The following MTUS2 variants were observed in gnomAD, a reference collection of about 807,000 sequenced individuals.
MTUS2 encodes microtubule associated scaffold protein 2.
MTUS2 carries 40 observed loss-of-function variants against 114.1 expected under a neutral mutation model. The observed-to-expected ratio is 0.35, with a 90% CI of 0.27 to 0.46. The LOEUF (loss-of-function observed/expected upper bound fraction) is 0.46, where lower values mean the gene tolerates loss of function less well. Ranked by LOEUF, MTUS2 falls within the 20% of genes least tolerant of loss-of-function variation. MTUS2 has a pLI of 1.00. For missense variants in MTUS2, 1,679 were observed against 1,705.4 expected, an observed-to-expected ratio of 0.98 and a Z score of 0.27; for synonymous variants, 688 against 672.0, an observed-to-expected ratio of 1.02 and a Z score of -0.37.
chr13:29,265,009 G>A (rs1338401474), intron 5 of MTUS2, among the ~76,000 whole-genome samples: 1 of 152,156 alleles, frequency 6.6e-6, no homozygotes, highest in Non-Finnish European at 1.5e-5. Context: ...CACATGACCA[G>A]GCTGCAAATT....
At chr13:29,212,072 T>G (rs959688792) in intron 5 of MTUS2, among the ~76,000 whole-genome samples, 14 of 152,270 alleles carry the variant, frequency 9.2e-5, no homozygotes, top group African/African-American at 3.4e-4. Context: ...TCATTGTGTA[T>G]GTGTTTAGTA....
intron 2 of MTUS2, among the ~76,000 whole-genome samples, chr13:28,961,303 A>G (rs904897364): frequency 6.6e-6 from 1 of 152,216 alleles, no homozygotes; most frequent in African/African-American, 2.4e-5. Flanking sequence ...GGAACAGGAT[A>G]AATCCAAAGA....
At chr13:29,172,874 T>G (rs1245521364) in intron 5 of MTUS2, among the ~76,000 whole-genome samples, 1 of 152,172 alleles carries the variant, frequency 6.6e-6, no homozygotes, top group Non-Finnish European at 1.5e-5. Context: ...AGTCCTGCAT[T>G]TTTACTTTAT....
chr13:28,893,838 G>A (rs138551802), intron 2 of MTUS2, among the ~76,000 whole-genome samples: 15 of 152,290 alleles, frequency 9.8e-5, no homozygotes, highest in African/African-American at 3.6e-4. Flanking sequence ...CTTGGTTTCT[G>A]TCATGTGCAG....
rs139043271 is a variant in MTUS2 at position 29,387,318 on chromosome 13, G to A, written c.3117+27845G>A. On this transcript the variant is annotated intron_variant, in intron 8 of 15. Transcript: ENST00000612955. ...GGCAGACGCAGAGGTAACATGATGC[G>A]GATTGCAAGTGGCGGGAGCTTCAGC... is the stretch of plus-strand genomic sequence containing the variant. 5.1e-3 allele frequency among the ~76,000 whole-genome samples: 772 copies of A among 152,286 alleles called. 4 individuals carry two copies. The highest frequency in any genetic ancestry group is 8.3e-3 in the Non-Finnish European group (566 of 68,020).
intron 5 of MTUS2, among the ~76,000 whole-genome samples, chr13:29,152,527 G>C (rs1892702267): frequency 6.6e-6 from 1 of 152,136 alleles, no homozygotes; most frequent in Non-Finnish European, 1.5e-5. Context: ...ATTGTAAGCT[G>C]TCAGACAGGG....
intron 8 of MTUS2, among the ~76,000 whole-genome samples, chr13:29,364,627 A>G (rs1870551154): frequency 6.6e-6 from 1 of 152,224 alleles, no homozygotes; most frequent in Non-Finnish European, 1.5e-5. Flanking sequence ...TGCTAGCTTT[A>G]TCTGTTTAAT....
chr13:28,949,174 A>T (rs1265028316), intron 2 of MTUS2, among the ~76,000 whole-genome samples: 1 of 152,192 alleles, frequency 6.6e-6, no homozygotes. Context: ...CTCCTTAGGG[A>T]AAATAAACAT....
intron 5 of MTUS2, among the ~76,000 whole-genome samples, chr13:29,251,588 G>A (rs1245981459): frequency 5.9e-5 from 9 of 152,082 alleles, no homozygotes; most frequent in East Asian, 1.9e-4. Context: ...TCCCTCCCCC[G>A]CAGCTTCTGG....
At chr13:29,109,147 GTTC>G (rs1314667309) in intron 5 of MTUS2, among the ~76,000 whole-genome samples, 3 of 152,054 alleles carry the variant, frequency 2.0e-5, no homozygotes, top group Admixed American at 6.5e-5. Context: ...TTAGACAACC[GTTC>G]TTCTTCTAAC....
At chr13:29,223,773 G>A (rs748481040) in intron 5 of MTUS2, among the ~76,000 whole-genome samples, 4 of 152,240 alleles carry the variant, frequency 2.6e-5, no homozygotes, top group Non-Finnish European at 5.9e-5. Context: ...AGGATCTGTG[G>A]CCCTCCTGGG....
intron 5 of MTUS2, among the ~76,000 whole-genome samples, chr13:29,116,090 A>G (rs976052850): frequency 6.6e-6 from 1 of 152,198 alleles, no homozygotes; most frequent in Non-Finnish European, 1.5e-5. Flanking sequence ...AATATGAGTC[A>G]GCTTCCATAA....
Position 29,480,022 on chromosome 13 carries a change from C to G in MTUS2, c.3185-128C>G. The stretch of plus-strand genomic sequence containing the variant: ...GGAAAGCACTTTACAAACTGTGTAG[C>G]CCTGCAGAAGTCAGAGGACCTCGCC... On this transcript the variant is annotated intron_variant, in intron 9 of 15. Coordinates refer to ENST00000612955, the MANE Select transcript of MTUS2 (RefSeq NM_001033602.4). This position sits in a 1 kb window ranked among gnomAD's most constrained non-coding sequence, Gnocchi z 4.4. 2.4e-6 allele frequency: 2 copies of G among 847,402 alleles called. No homozygotes were observed. The highest frequency in any genetic ancestry group is 3.7e-6 in the Non-Finnish European group (2 of 541,754). 52.5% of individuals were successfully genotyped at this position (847,402 alleles called of 1,614,324 possible). A position where few individuals can be genotyped will look rare whatever the true frequency, so the allele number is the denominator to read the frequency against.
At chr13:29,268,131 A>G (rs1240494586) in intron 5 of MTUS2, among the ~76,000 whole-genome samples, 1 of 152,008 alleles carries the variant, frequency 6.6e-6, no homozygotes, top group Admixed American at 6.6e-5. Flanking sequence ...ATTTCTCCTA[A>G]TGCTCTCCCT....
chr13:29,045,920 A>G (rs1429910697), intron 4 of MTUS2, among the ~76,000 whole-genome samples: 3 of 152,154 alleles, frequency 2.0e-5, no homozygotes, highest in Non-Finnish European at 2.9e-5. Flanking sequence ...AAAACAAGCC[A>G]TAACAGCAAA....
At chr13:28,971,472 T>C (rs758576295) in intron 2 of MTUS2, among the ~76,000 whole-genome samples, 5 of 152,124 alleles carry the variant, frequency 3.3e-5, no homozygotes, top group Non-Finnish European at 5.9e-5. Context: ...GAAAAAGAAA[T>C]TGTAATGAAG....
At chr13:29,430,533 C>A (rs1876910802) in intron 8 of MTUS2, among the ~76,000 whole-genome samples, 1 of 152,178 alleles carries the variant, frequency 6.6e-6, no homozygotes, top group Non-Finnish European at 1.5e-5. Flanking sequence ...AAAACTTACA[C>A]TGCTTTTACC....
At chr13:29,458,253 A>T (rs1486849046) in intron 9 of MTUS2, among the ~76,000 whole-genome samples, 1 of 152,184 alleles carries the variant, frequency 6.6e-6, no homozygotes, top group African/African-American at 2.4e-5. Flanking sequence ...TCTAAATCTC[A>T]GCACTTAAAG....
intron 6 of MTUS2, among the ~76,000 whole-genome samples, chr13:29,301,983 C>T (rs1892530631): frequency 1.3e-5 from 2 of 152,184 alleles, no homozygotes; most frequent in African/African-American, 4.8e-5. Flanking sequence ...AATCCCATTC[C>T]TGAGGGATTC....
Sources: allele counts gnomAD v4.1 joint callset (sites outside exome capture counted in the v4.1 genomes callset), GRCh38; gene constraint gnomAD v4.1.1; non-coding constraint Gnocchi (gnomAD v3.1); transcripts MANE v1.5; gene names NCBI Gene and HGNC (gene_info 2026-07-23, HGNC 2026-07-21).